The following SPOCK1 variants were observed in gnomAD, a reference collection of about 807,000 sequenced individuals.
SPOCK1 encodes testican-1.
A neutral mutation model predicts 55.3 loss-of-function variants in SPOCK1; 23 were observed. The observed-to-expected ratio is 0.42, with a 90% CI of 0.30 to 0.59. The LOEUF is 0.59. SPOCK1 is among the 20% of genes least tolerant of loss of function. The pLI, the probability that SPOCK1 is intolerant of heterozygous loss-of-function variation, is 0.22. For synonymous variants in SPOCK1, 226 were observed against 221.0 expected, an observed-to-expected ratio of 1.02 and a Z score of -0.20; for missense variants, 499 against 552.5, an observed-to-expected ratio of 0.90 and a Z score of 0.97.
At chr5:137,102,060 A>C (rs1753278840) in intron 5 of SPOCK1, among the ~76,000 whole-genome samples, 1 of 152,174 alleles carries the variant, frequency 6.6e-6, no homozygotes, top group Non-Finnish European at 1.5e-5. Context: ...TGAGGCTAAC[A>C]TAGTTAATAT....
intron 2 of SPOCK1, among the ~76,000 whole-genome samples, chr5:137,391,106 C>T (rs560388298): frequency 2.0e-5 from 3 of 152,164 alleles, no homozygotes; most frequent in South Asian, 2.1e-4. Context: ...CCCTCCCTGA[C>T]GTTTCTCATT....
At chr5:137,193,081 C>A (rs1355508593) in intron 3 of SPOCK1, among the ~76,000 whole-genome samples, 4 of 152,082 alleles carry the variant, frequency 2.6e-5, no homozygotes, top group Non-Finnish European at 5.9e-5. Context: ...CATTTTTAAA[C>A]AGAGAAGAAA....
At chr5:137,338,752 C>T (rs1053729687) in intron 2 of SPOCK1, among the ~76,000 whole-genome samples, 12 of 152,042 alleles carry the variant, frequency 7.9e-5, no homozygotes, top group Non-Finnish European at 1.6e-4. Flanking sequence ...TTTTGATTTG[C>T]ATTTCTCTGA....
At chr5:137,481,309 G>A (rs1753946774) in intron 2 of SPOCK1, among the ~76,000 whole-genome samples, 2 of 152,164 alleles carry the variant, frequency 1.3e-5, no homozygotes, top group Non-Finnish European at 2.9e-5. Flanking sequence ...GTTTATCCAA[G>A]TATAGCCTTA....
At chr5:137,276,122 C>G (rs561340916) in intron 2 of SPOCK1, among the ~76,000 whole-genome samples, 3 of 152,336 alleles carry the variant, frequency 2.0e-5, no homozygotes, top group African/African-American at 7.2e-5. Context: ...GACTTCTGTG[C>G]CCCAGCACCT....
intron 3 of SPOCK1, among the ~76,000 whole-genome samples, chr5:137,244,477 T>C (rs1756357040): frequency 1.3e-5 from 2 of 152,186 alleles, no homozygotes; most frequent in South Asian, 4.1e-4. Context: ...CTGTATATAT[T>C]GAAGCTGAAT....
intron 6 of SPOCK1, among the ~76,000 whole-genome samples, chr5:137,038,178 C>A (rs924898653): frequency 6.6e-6 from 1 of 152,182 alleles, no homozygotes; most frequent in African/African-American, 2.4e-5. Context: ...GTTTAAGAAG[C>A]TATGTAGATC....
At chr5:137,073,525 G>A (rs1164995411) in intron 5 of SPOCK1, among the ~76,000 whole-genome samples, 2 of 152,194 alleles carry the variant, frequency 1.3e-5, no homozygotes, top group Non-Finnish European at 2.9e-5. Context: ...CCGATGGTTG[G>A]CCTGTGTGTG....
chr5:137,456,749 T>C (rs1205334457), intron 2 of SPOCK1, among the ~76,000 whole-genome samples: 1 of 152,214 alleles, frequency 6.6e-6, no homozygotes, highest in Non-Finnish European at 1.5e-5. Flanking sequence ...AAGTCTGTAA[T>C]GGATACCGTG....
At chr5:137,418,690 T>A (rs1752410687) in intron 2 of SPOCK1, among the ~76,000 whole-genome samples, 1 of 152,252 alleles carries the variant, frequency 6.6e-6, no homozygotes, top group African/African-American at 2.4e-5. Flanking sequence ...CTTTGTAGAT[T>A]CTGGATATTA....
At chr5:137,079,347 C>G (rs765822263) in intron 5 of SPOCK1, among the ~76,000 whole-genome samples, 3 of 152,212 alleles carry the variant, frequency 2.0e-5, no homozygotes, top group Non-Finnish European at 4.4e-5. Context: ...GGGACAGCCC[C>G]ACCCATCTAA....
At chr5:137,238,393 T>A (rs1214454408) in intron 3 of SPOCK1, among the ~76,000 whole-genome samples, 1 of 152,148 alleles carries the variant, frequency 6.6e-6, no homozygotes, top group Non-Finnish European at 1.5e-5. Context: ...TTGCTCACAA[T>A]GTGAAATTAT....
chr5:137,032,403 A>G (rs149135859), intron 6 of SPOCK1, among the ~76,000 whole-genome samples: 2 of 152,302 alleles, frequency 1.3e-5, no homozygotes, highest in Non-Finnish European at 2.9e-5. Context: ...AAAAGGGAAG[A>G]ATGACTATTC....
intron 6 of SPOCK1, among the ~76,000 whole-genome samples, chr5:137,056,704 G>T (rs1752307609): frequency 6.6e-6 from 1 of 151,912 alleles, no homozygotes; most frequent in South Asian, 2.1e-4. Flanking sequence ...CTACTTGGTT[G>T]ACAGCCTCAC....
intron 2 of SPOCK1, among the ~76,000 whole-genome samples, chr5:137,301,872 C>T (rs1159817593): frequency 6.6e-6 from 1 of 152,076 alleles, no homozygotes; most frequent in Non-Finnish European, 1.5e-5. Flanking sequence ...AGTACTGCTT[C>T]AGAGTCATCA....
intron 3 of SPOCK1, among the ~76,000 whole-genome samples, chr5:137,172,900 G>A (rs1754780404): frequency 6.6e-6 from 1 of 152,178 alleles, no homozygotes; most frequent in African/African-American, 2.4e-5. Context: ...GAAAATTCAT[G>A]GACAGGCAAA....
At chr5:137,332,373 C>T (rs1323613622) in intron 2 of SPOCK1, among the ~76,000 whole-genome samples, 1 of 152,206 alleles carries the variant, frequency 6.6e-6, no homozygotes, top group African/African-American at 2.4e-5. Flanking sequence ...TTAGGTTCAT[C>T]GCTCATCTTC....
At chr5:137,418,364 C>A (rs1288552815) in intron 2 of SPOCK1, among the ~76,000 whole-genome samples, 1 of 152,092 alleles carries the variant, frequency 6.6e-6, no homozygotes, top group East Asian at 1.9e-4. Flanking sequence ...GTTCTAGATC[C>A]CTGAGGAATC....
intron 2 of SPOCK1, among the ~76,000 whole-genome samples, chr5:137,468,973 G>A (rs1262793917): frequency 4.6e-5 from 7 of 152,072 alleles, no homozygotes; most frequent in Admixed American, 1.3e-4. Flanking sequence ...ATGGGCCTAC[G>A]GAAAACTACT....
Sources: gnomAD v4.1 joint callset for allele counts (sites outside exome capture counted in the v4.1 genomes callset) on GRCh38, gnomAD v4.1.1 for gene constraint, MANE v1.5 for transcripts, NCBI Gene and HGNC (gene_info 2026-07-23, HGNC 2026-07-21) for gene names.